OPCML: variants seen among roughly 807,000 people sequenced by gnomAD.
OPCML encodes the protein opioid-binding protein/cell adhesion molecule.
Under a neutral mutation model 37.8 loss-of-function variants are expected in OPCML, and 13 were observed. The observed-to-expected ratio is 0.34, with a 90% CI of 0.22 to 0.55. The LOEUF is 0.55. Ranked by LOEUF, OPCML falls within the 20% of genes least tolerant of loss-of-function variation. OPCML has a pLI of 0.91. For synonymous variants in OPCML, 176 were observed against 168.8 expected, an observed-to-expected ratio of 1.04 and a Z score of -0.33; for missense variants, 341 against 435.6, an observed-to-expected ratio of 0.78 and a Z score of 1.93.
intron 1 of OPCML, among the ~76,000 whole-genome samples, chr11:133,237,711 C>T (rs746354200): frequency 1.3e-5 from 2 of 152,218 alleles, no homozygotes; most frequent in Non-Finnish European, 2.9e-5. Flanking sequence ...ATGTGACCCT[C>T]TAAAGCCTCC....
At chr11:133,504,844 C>G (rs1947992971) in intron 1 of OPCML, among the ~76,000 whole-genome samples, 1 of 152,152 alleles carries the variant, frequency 6.6e-6, no homozygotes, top group Admixed American at 6.5e-5. Context: ...GACAAAATGT[C>G]ATTAGCCTCA....
intron 3 of OPCML, among the ~76,000 whole-genome samples, chr11:132,570,813 A>C (rs2096436559): frequency 7.7e-6 from 1 of 129,998 alleles, no homozygotes; most frequent in South Asian, 2.5e-4. Context: ...TTAGAGAGAG[A>C]GAGAGAGGAT....
intron 1 of OPCML, among the ~76,000 whole-genome samples, chr11:133,109,233 T>TA (rs902115390): frequency 3.9e-5 from 6 of 152,168 alleles, no homozygotes; most frequent in Admixed American, 6.5e-5. Context: ...CCGTGGGTGT[T>TA]ACAGCTCTTA....
intron 2 of OPCML, among the ~76,000 whole-genome samples, chr11:132,825,658 A>G (rs1940268280): frequency 6.6e-6 from 1 of 152,214 alleles, no homozygotes; most frequent in African/African-American, 2.4e-5. Context: ...GGTTGAAAAT[A>G]CAACTCTAAT....
At chr11:132,895,432 TC>T (rs1193289360) in intron 2 of OPCML, among the ~76,000 whole-genome samples, 17 of 152,184 alleles carry the variant, frequency 1.1e-4, no homozygotes, top group African/African-American at 3.9e-4. Context: ...CTGAATCTCC[TC>T]CCATGTAGCC....
At chr11:132,554,793 G>A (rs1279825493) in intron 3 of OPCML, among the ~76,000 whole-genome samples, 2 of 147,694 alleles carry the variant, frequency 1.4e-5, no homozygotes, top group African/African-American at 5.0e-5. Flanking sequence ...AACTCACAGA[G>A]CTTTTCTTTC....
chr11:132,510,172 C>G (rs1459353065), intron 4 of OPCML, among the ~76,000 whole-genome samples: 1 of 152,018 alleles, frequency 6.6e-6, no homozygotes, highest in Non-Finnish European at 1.5e-5. Flanking sequence ...CCCTGTAATC[C>G]CTTTGTTTTG....
intron 1 of OPCML, among the ~76,000 whole-genome samples, chr11:133,501,173 G>A (rs1947904326): frequency 6.6e-6 from 1 of 152,096 alleles, no homozygotes. Context: ...ACAGAACATG[G>A]AGACACACAA....
chr11:133,413,048 A>T (rs1003721944), intron 1 of OPCML, among the ~76,000 whole-genome samples: 2 of 152,072 alleles, frequency 1.3e-5, no homozygotes, highest in African/African-American at 4.8e-5. Context: ...GACCCATAGA[A>T]CTTCTGCAGG....
intron 2 of OPCML, among the ~76,000 whole-genome samples, chr11:132,745,052 C>T (rs1204143362): frequency 6.6e-6 from 1 of 152,198 alleles, no homozygotes; most frequent in Non-Finnish European, 1.5e-5. Context: ...CACTGCTGCA[C>T]CAGTCTTTTT....
chr11:132,991,217 G>C (rs2136818666), intron 1 of OPCML, among the ~76,000 whole-genome samples: 1 of 152,284 alleles, frequency 6.6e-6, no homozygotes, highest in South Asian at 2.1e-4. Context: ...TCTTTTGACT[G>C]TCAAGAGAAC....
At chr11:132,700,170 A>AT (rs1164484578) in intron 2 of OPCML, among the ~76,000 whole-genome samples, 4 of 151,850 alleles carry the variant, frequency 2.6e-5, no homozygotes, top group East Asian at 1.9e-4. Flanking sequence ...TGATTTATAA[A>AT]TTTTTTTATT....
At chr11:133,410,895 C>T (rs1945637838) in intron 1 of OPCML, among the ~76,000 whole-genome samples, 1 of 152,152 alleles carries the variant, frequency 6.6e-6, no homozygotes, top group Non-Finnish European at 1.5e-5. Flanking sequence ...TCATTTAACT[C>T]TTAGAGACCA....
At chr11:132,547,799 C>G (rs1392508239) in intron 3 of OPCML, among the ~76,000 whole-genome samples, 1 of 152,126 alleles carries the variant, frequency 6.6e-6, no homozygotes. Context: ...TCTCTCTGAA[C>G]GTGACATCAT....
intron 1 of OPCML, among the ~76,000 whole-genome samples, chr11:133,342,824 C>T (rs1169135217): frequency 6.6e-6 from 1 of 152,118 alleles, no homozygotes; most frequent in African/African-American, 2.4e-5. Flanking sequence ...TGGTCTGGAG[C>T]AGACTCTCAT....
At chr11:133,170,840 G>A (rs1263583647) in intron 1 of OPCML, among the ~76,000 whole-genome samples, 1 of 152,160 alleles carries the variant, frequency 6.6e-6, no homozygotes, top group Non-Finnish European at 1.5e-5. Flanking sequence ...GTAAAGCTGG[G>A]AGGCAACTTG....
chr11:132,481,174 A>G (rs1355687397), intron 4 of OPCML, among the ~76,000 whole-genome samples: 3 of 152,172 alleles, frequency 2.0e-5, no homozygotes, highest in Non-Finnish European at 2.9e-5. Context: ...TATTCAGGAA[A>G]CCTATCTCAT....
chr11:133,146,747 C>G (rs758088511), intron 1 of OPCML, among the ~76,000 whole-genome samples: 3 of 152,308 alleles, frequency 2.0e-5, no homozygotes, highest in Non-Finnish European at 4.4e-5. Flanking sequence ...AGGCATGAAC[C>G]ACCACGCCGG....
chr11:133,342,233 G>C (rs77016588), intron 1 of OPCML, among the ~76,000 whole-genome samples: 2 of 152,086 alleles, frequency 1.3e-5, no homozygotes, highest in African/African-American at 4.8e-5. Context: ...AGGGGGAAGA[G>C]AACTAACACA....
Sources: allele counts gnomAD v4.1 joint callset (sites outside exome capture counted in the v4.1 genomes callset), GRCh38; gene constraint gnomAD v4.1.1; transcripts MANE v1.5; gene names NCBI Gene and HGNC (gene_info 2026-07-23, HGNC 2026-07-21).